Variants in PKHD1L1 observed in about 807,000 individuals in gnomAD.
The protein encoded by PKHD1L1 is PKHD1 like 1.
PKHD1L1 carries 434 observed loss-of-function variants against 462.9 expected under a neutral mutation model. The observed-to-expected ratio is 0.94, with a 90% CI of 0.87 to 1.02. PKHD1L1 has a LOEUF of 1.02. Ranked by LOEUF, PKHD1L1 falls within the 50% of genes least tolerant of loss-of-function variation. PKHD1L1 has a pLI of 0.00. For synonymous variants in PKHD1L1, 1,781 were observed against 1,750.0 expected, an observed-to-expected ratio of 1.02 and a Z score of -0.44; for missense variants, 5,202 against 5,096.1, an observed-to-expected ratio of 1.02 and a Z score of -0.63.
chr8:109,421,820 G>A (rs935437234), intron 23 of PKHD1L1, among the ~76,000 whole-genome samples: 1 of 152,024 alleles, frequency 6.6e-6, no homozygotes, highest in African/African-American at 2.4e-5. Flanking sequence ...TCAAGGCTCT[G>A]TATTCTCAAA....
chr8:109,448,065 A>T, intron 38 of PKHD1L1, 78 bp from the exon 39 acceptor site: 1 of 1,250,198 alleles, frequency 8.0e-7, no homozygotes, highest in Non-Finnish European at 1.1e-6. Flanking sequence ...TATTTGTAAA[A>T]GTAAAGAGGT....
At chr8:109,452,389 GAGCTGTGACCATAATAAATCTAAAGT>G in intron 42 of PKHD1L1, 109 bp downstream of exon 42, 1 of 1,032,746 alleles carries the variant, frequency 9.7e-7, no homozygotes, top group African/African-American at 1.6e-5. Flanking sequence ...AAAAATAACT[GAGCTGTGACCATAATAAATCTAAAGT>G]AGCTTACATT....
chr8:109,472,116 C>T (rs150474903), intron 50 of PKHD1L1, among the ~76,000 whole-genome samples: 254 of 151,812 alleles, frequency 1.7e-3, no homozygotes, highest in African/African-American at 5.8e-3. Context: ...TAGACTTGTG[C>T]GCATGGAAGT....
At chr8:109,385,842 G>T (rs943243817) in intron 6 of PKHD1L1, among the ~76,000 whole-genome samples, 7 of 151,786 alleles carry the variant, frequency 4.6e-5, no homozygotes, top group Admixed American at 3.9e-4. Flanking sequence ...TTTTGGTCTG[G>T]TGTAATTTCT....
Position 109,522,759 on chromosome 8 carries a change from G to A in PKHD1L1, c.12199G>A (p.Val4067Ile). ...GCATTCACAGGTGACTGCCCAGCCA[G>A]TTGAAAGGTCTGCATTTCCTGTTCA... ...SGWIKVTAQPVERSAFPVHHV... is the reference protein window; with the variant it reads ...SGWIKVTAQPIERSAFPVHHV... The change falls in exon 75 of 78, where the codon GTT becomes ATT. Residue 4067 changes from valine to isoleucine, a missense_variant. By Grantham distance (29) the Val-to-Ile change is conservative. Coordinates refer to ENST00000378402, the MANE Select transcript of PKHD1L1 (RefSeq NM_177531.6). 6.2e-7 allele frequency: 1 copy of A among 1,610,484 alleles called. No individual in the cohort carries two copies. The highest frequency in any genetic ancestry group is 8.5e-7 in the Non-Finnish European group (1 of 1,179,048).
chr8:109,435,692 A>G (rs1815368993), intron 29 of PKHD1L1, among the ~76,000 whole-genome samples: 1 of 152,238 alleles, frequency 6.6e-6, no homozygotes. Flanking sequence ...CCACAGTCTC[A>G]GTGGAGCTTC....
chr8:109,482,745 G>A (rs917943309), intron 56 of PKHD1L1, among the ~76,000 whole-genome samples: 3 of 151,262 alleles, frequency 2.0e-5, no homozygotes, highest in Non-Finnish European at 3.0e-5. Flanking sequence ...TATTGCTGTG[G>A]TAAGCATCTT....
At chr8:109,493,957 A>G (rs1818960335) in intron 63 of PKHD1L1, among the ~76,000 whole-genome samples, 1 of 151,898 alleles carries the variant, frequency 6.6e-6, no homozygotes, top group African/African-American at 2.4e-5. Flanking sequence ...TATTTTCCCA[A>G]GTTTATGATC....
Position 109,507,867 on chromosome 8 carries a change from T to C in PKHD1L1, c.11199T>C (p.Ile3733=). Reference sequence around the variant, plus strand: ...TCACATTCTTGAATGGAAGTAGAATTCCTGTCACTGAGAAAGCACCTCATA... The same window carrying C: ...TCACATTCTTGAATGGAAGTAGAATCCCTGTCACTGAGAAAGCACCTCATA... The part of the protein sequence containing the change: ...AMLTFLNGSR[I]PVTEKAPHKG... Residue 3733 remains isoleucine, a synonymous_variant, in exon 69 of 78, where the codon ATT becomes ATC. Transcript: ENST00000378402. 1.2e-6 allele frequency: 2 copies of C among 1,613,594 alleles called. No homozygotes were observed. Among genetic ancestry groups the C allele is most frequent in the South Asian group, 2.2e-5 (2 of 91,068 alleles).
intron 22 of PKHD1L1, 90 bp downstream of exon 22, chr8:109,419,350 A>G: frequency 1.0e-6 from 1 of 968,518 alleles, no homozygotes; most frequent in Non-Finnish European, 1.4e-6. Flanking sequence ...TATGGATAGA[A>G]ACATTAATAT....
intron 69 of PKHD1L1, 57 bp from the exon 70 acceptor site, chr8:109,508,040 A>AT (rs1166713949): frequency 1.7e-5 from 26 of 1,520,652 alleles, no homozygotes; most frequent in African/African-American, 7.0e-5. Flanking sequence ...TGTTATAAGG[A>AT]TTTTTTTGCA....
chr8:109,512,980 T>A (rs1413867760), intron 71 of PKHD1L1, among the ~76,000 whole-genome samples: 2 of 152,146 alleles, frequency 1.3e-5, no homozygotes, highest in African/African-American at 4.8e-5. Context: ...AGTTCACTCA[T>A]GATTTGGCTC....
rs374994389 is a variant in PKHD1L1, at chr8:109,493,879, CA to C, written c.10327+130del. Reference sequence around the variant, plus strand: ...CCTTCCGGGCACTGAAATAACTCAACAAGATAAATTATTTCAAGATAACATT... The same window carrying C: ...CCTTCCGGGCACTGAAATAACTCAACAGATAAATTATTTCAAGATAACATT... On this transcript the variant is annotated intron_variant, in intron 63 of 77. Transcript: ENST00000378402. The C allele has an allele frequency of 7.5e-4, 398 of 527,250 alleles. 3 individuals carry two copies. Among genetic ancestry groups the C allele is most frequent in the African/African-American group, 7.0e-3 (362 of 51,368 alleles). 32.7% of individuals were successfully genotyped at this position (527,250 alleles called of 1,614,324 possible).
rs1305719235 is a variant in PKHD1L1, at chr8:109,419,181, A to G, written c.2445A>G (p.Leu815=). The G allele has an allele frequency of 1.2e-6, 2 of 1,613,476 alleles. No homozygotes were observed. Among genetic ancestry groups the G allele is most frequent in the African/African-American group, 2.7e-5 (2 of 74,918 alleles). ...ATGTTTCTCTTCAGAGGATTAGCTT[A>G]CATAAAGCATCAGAATCACAGTCCT... ...GTNVSLQRIS[L]HKASESQSFY... is the part of the protein sequence containing the mutation. Residue 815 remains leucine (L), a synonymous_variant, in exon 22 of 78, where the codon TTA becomes TTG. Transcript: ENST00000378402.
At chr8:109,384,821 C>T (rs77482704) in intron 5 of PKHD1L1, among the ~76,000 whole-genome samples, 4,116 of 151,644 alleles carry the variant, frequency 0.027, 201 homozygotes, top group African/African-American at 0.096. Flanking sequence ...TATTTTTTGC[C>T]TATTGACCAT....
At chr8:109,481,175 T>C (rs1417818324) in intron 55 of PKHD1L1, among the ~76,000 whole-genome samples, 2 of 151,960 alleles carry the variant, frequency 1.3e-5, no homozygotes, top group Non-Finnish European at 2.9e-5. Flanking sequence ...CAAACACCAC[T>C]AGTTTAGGTC....
chr8:109,438,845 C>A, intron 31 of PKHD1L1, 52 bp from the exon 32 acceptor site: 1 of 1,318,382 alleles, frequency 7.6e-7, no homozygotes, highest in Non-Finnish European at 1.0e-6. Flanking sequence ...AAATTTCACA[C>A]TGGATAACAA....
At chr8:109,428,018 C>T (rs1190333816) in intron 25 of PKHD1L1, among the ~76,000 whole-genome samples, 19 of 72,072 alleles carry the variant, frequency 2.6e-4, no homozygotes, top group Admixed American at 2.1e-3. Flanking sequence ...AGCAAAACTC[C>T]GTCTCAAAAA....
chr8:109,489,767 T>G (rs988990838), intron 59 of PKHD1L1, among the ~76,000 whole-genome samples, 185 bp from the exon 60 acceptor site: 1 of 151,864 alleles, frequency 6.6e-6, no homozygotes, highest in Admixed American at 6.6e-5. Context: ...GGAAAAAAAA[T>G]GTTGAAAAAG....
Sources: gnomAD v4.1 joint callset for allele counts (sites outside exome capture counted in the v4.1 genomes callset) on GRCh38, gnomAD v4.1.1 for gene constraint, MANE v1.5 for transcripts, NCBI Gene and HGNC (gene_info 2026-07-23, HGNC 2026-07-21) for gene names.